Variants in PDZD2 observed in about 807,000 individuals in gnomAD.
PDZD2 encodes PDZ domain-containing protein 2.
A neutral mutation model predicts 220.7 loss-of-function variants in PDZD2; 90 were observed. The observed-to-expected ratio is 0.41, with a 90% CI of 0.34 to 0.49. PDZD2 has a LOEUF of 0.49. PDZD2 is among the 20% of genes least tolerant of loss of function. PDZD2 has a pLI of 0.28. For synonymous variants in PDZD2, 1,375 were observed against 1,450.5 expected, an observed-to-expected ratio of 0.95 and a Z score of 1.18; for missense variants, 3,174 against 3,608.5, an observed-to-expected ratio of 0.88 and a Z score of 3.08.
chr5:31,845,392 C>T (rs1419758796), intron 2 of PDZD2, among the ~76,000 whole-genome samples: 1 of 152,208 alleles, frequency 6.6e-6, no homozygotes, highest in African/African-American at 2.4e-5. Flanking sequence ...TGCCATATAA[C>T]ACACAGTTCC....
intron 1 of PDZD2, among the ~76,000 whole-genome samples, chr5:31,775,415 G>A (rs1473481911): frequency 6.6e-6 from 1 of 151,732 alleles, no homozygotes; most frequent in African/African-American, 2.4e-5. Context: ...CGGATTTGAC[G>A]TAATAGAGAC....
At chr5:31,772,013 T>C (rs1281832877) in intron 1 of PDZD2, among the ~76,000 whole-genome samples, 1 of 152,174 alleles carries the variant, frequency 6.6e-6, no homozygotes, top group Non-Finnish European at 1.5e-5. Flanking sequence ...CCCCATCTGG[T>C]TGGTGTGGGG....
chr5:31,792,802 G>A (rs907434700), intron 1 of PDZD2, among the ~76,000 whole-genome samples: 12 of 151,934 alleles, frequency 7.9e-5, no homozygotes, highest in Admixed American at 2.6e-4. Flanking sequence ...GTTAAATAAG[G>A]TAATCCATGG....
At chr5:31,937,710 C>A (rs1745882195) in intron 2 of PDZD2, among the ~76,000 whole-genome samples, 2 of 152,294 alleles carry the variant, frequency 1.3e-5, no homozygotes, top group Admixed American at 1.3e-4. Flanking sequence ...ACTTTTTCAC[C>A]CCATGTTCCT....
At chr5:31,731,333 A>T (rs1749525135) in intron 1 of PDZD2, among the ~76,000 whole-genome samples, 1 of 152,152 alleles carries the variant, frequency 6.6e-6, no homozygotes, top group Admixed American at 6.5e-5. Flanking sequence ...ATATTTTTTT[A>T]AATTGAGGTA....
chr5:32,032,273 G>T (rs1755182870), intron 6 of PDZD2, among the ~76,000 whole-genome samples: 1 of 152,194 alleles, frequency 6.6e-6, no homozygotes, highest in Non-Finnish European at 1.5e-5. Context: ...TCTTCCATGA[G>T]CCTGGTCTCT....
At chr5:31,837,549 C>G (rs1288326762) in intron 2 of PDZD2, among the ~76,000 whole-genome samples, 1 of 152,108 alleles carries the variant, frequency 6.6e-6, no homozygotes, top group African/African-American at 2.4e-5. Flanking sequence ...CTGGTGAAAC[C>G]CTGTTTCTAC....
intron 2 of PDZD2, among the ~76,000 whole-genome samples, chr5:31,908,156 C>G (rs1056360563): frequency 1.3e-5 from 2 of 150,008 alleles, no homozygotes; most frequent in Admixed American, 1.3e-4. Context: ...CATCTTTATC[C>G]ATGTTGGAGA....
intron 2 of PDZD2, among the ~76,000 whole-genome samples, chr5:31,950,864 G>T (rs1323532371): frequency 6.6e-6 from 1 of 152,038 alleles, no homozygotes; most frequent in African/African-American, 2.4e-5. Flanking sequence ...AGTCTGCTTG[G>T]ATGTCTATTA....
Position 31,894,759 on chromosome 5 carries a change from C to G in PDZD2, c.477-88396C>G, listed in dbSNP as rs140599827. On this transcript the variant is annotated intron_variant, in intron 2 of 24. Coordinates refer to ENST00000438447, the MANE Select transcript of PDZD2 (RefSeq NM_178140.4). ...AATGTCGTAAGTATGGCTGTATCCT[C>G]AGCCCAATGCTGCACGAGGGAAATG... 3.1e-3 allele frequency among the ~76,000 whole-genome samples: 479 copies of G among 152,300 alleles called. 2 individuals carry two copies. Among genetic ancestry groups the G allele is most frequent in the African/African-American group, 0.011 (457 of 41,580 alleles).
chr5:31,878,978 A>T (rs947196699), intron 2 of PDZD2, among the ~76,000 whole-genome samples: 4 of 152,062 alleles, frequency 2.6e-5, no homozygotes, highest in African/African-American at 9.7e-5. Flanking sequence ...CTGTCCAACC[A>T]TGTAGGTGGA....
intron 2 of PDZD2, among the ~76,000 whole-genome samples, chr5:31,965,305 G>A (rs533897199): frequency 2.6e-5 from 4 of 152,288 alleles, no homozygotes; most frequent in Admixed American, 2.0e-4. Context: ...AGGAGGCAGT[G>A]TCTGATTTGC....
intron 2 of PDZD2, among the ~76,000 whole-genome samples, chr5:31,935,326 G>A (rs111508601): frequency 8.5e-4 from 130 of 152,244 alleles, no homozygotes; most frequent in African/African-American, 2.9e-3. Context: ...GTAAAACAAG[G>A]CAAATTTTAC....
intron 2 of PDZD2, among the ~76,000 whole-genome samples, chr5:31,891,701 GTGAA>G (rs1233813926): frequency 6.6e-6 from 1 of 152,144 alleles, no homozygotes; most frequent in East Asian, 1.9e-4. Context: ...GGGTGGAATG[GTGAA>G]TGCTCACCAA....
chr5:31,679,385 G>A (rs570940727), intron 1 of PDZD2, among the ~76,000 whole-genome samples: 3 of 152,382 alleles, frequency 2.0e-5, no homozygotes, highest in South Asian at 2.1e-4. Context: ...GTTGAAAGGC[G>A]TGGTCTCTGA....
rs1269012203 is a variant in PDZD2 at position 31,689,329 on chromosome 5, A to ACATATG, written c.-361+49897_-361+49898insGCATAT. Among the ~76,000 whole-genome samples the ACATATG allele has an allele frequency of 2.2e-3, 151 of 67,174 alleles. 13 individuals are homozygous for ACATATG. Among genetic ancestry groups the ACATATG allele is most frequent in the Middle Eastern group, 0.012 (2 of 164 alleles). The allele number at this position is 67,174 out of a possible 152,430, so 44.1% of individuals were successfully genotyped here. On this transcript the variant is annotated intron_variant, in intron 1 of 24. Coordinates refer to ENST00000438447, the MANE Select transcript of PDZD2 (RefSeq NM_178140.4). ...CATACATACATATACACATATATAT[A>ACATATG]CATATACATATATATATATATATAT...
chr5:31,937,271 G>A (rs1267606328), intron 2 of PDZD2, among the ~76,000 whole-genome samples: 7 of 152,214 alleles, frequency 4.6e-5, no homozygotes, highest in African/African-American at 1.7e-4. Context: ...TGGCCAGGGT[G>A]TTGGGGGATT....
At chr5:31,649,449 C>A (rs1380695220) in intron 1 of PDZD2, among the ~76,000 whole-genome samples, 1 of 151,840 alleles carries the variant, frequency 6.6e-6, no homozygotes, top group African/African-American at 2.4e-5. Context: ...TAACAGGAAA[C>A]AGGACCACCC....
At chr5:31,852,666 G>A (rs1296809063) in intron 2 of PDZD2, among the ~76,000 whole-genome samples, 3 of 152,014 alleles carry the variant, frequency 2.0e-5, no homozygotes, top group Admixed American at 6.6e-5. Context: ...ATGGGATCTC[G>A]GCTCACTGCA....
Sources: allele counts gnomAD v4.1 joint callset (sites outside exome capture counted in the v4.1 genomes callset), GRCh38; gene constraint gnomAD v4.1.1; transcripts MANE v1.5; gene names NCBI Gene and HGNC (gene_info 2026-07-23, HGNC 2026-07-21).